KLHL1: variants seen among roughly 807,000 people sequenced by gnomAD.
KLHL1 encodes the protein kelch-like protein 1.
KLHL1 carries 47 observed loss-of-function variants against 77.7 expected under a neutral mutation model. The observed-to-expected ratio is 0.60, with a 90% CI of 0.48 to 0.77. The LOEUF (loss-of-function observed/expected upper bound fraction) is 0.77, where lower values mean the gene tolerates loss of function less well. KLHL1 is among the 30% of genes least tolerant of loss of function. KLHL1 has a pLI of 0.00. For synonymous variants in KLHL1, 360 were observed against 325.2 expected (o/e 1.11, Z -1.15); for missense variants, 925 against 910.8 (o/e 1.02, Z -0.20).
At chr13:69,720,220 G>A (rs1404593858) in intron 8 of KLHL1, among the ~76,000 whole-genome samples, 1 of 152,058 alleles carries the variant, frequency 6.6e-6, no homozygotes, top group Non-Finnish European at 1.5e-5. Context: ...TTTTATTAAT[G>A]AGAAGTATGA....
intron 8 of KLHL1, among the ~76,000 whole-genome samples, chr13:69,724,383 C>G (rs931421277): frequency 1.3e-5 from 2 of 152,024 alleles, no homozygotes; most frequent in South Asian, 4.1e-4. Context: ...TTGACTGACA[C>G]CTGTCTAAGA....
At chr13:70,044,334 CAGAT>C (rs1886446151) in intron 1 of KLHL1, among the ~76,000 whole-genome samples, 1 of 152,174 alleles carries the variant, frequency 6.6e-6, no homozygotes, top group Admixed American at 6.5e-5. Context: ...TGAAATCTCA[CAGAT>C]AGGTTTCTTA....
intron 1 of KLHL1, among the ~76,000 whole-genome samples, chr13:70,008,288 C>A (rs541558495): frequency 9.9e-5 from 15 of 152,126 alleles, no homozygotes; most frequent in African/African-American, 3.1e-4. Flanking sequence ...ACAGAGAATA[C>A]AACTTAGGAA....
intron 4 of KLHL1, among the ~76,000 whole-genome samples, chr13:69,930,387 C>T (rs533055695): frequency 6.6e-6 from 1 of 151,838 alleles, no homozygotes; most frequent in African/African-American, 2.4e-5. Flanking sequence ...TTACAAAGTA[C>T]CAAAAGCTTT....
At chr13:69,874,397 C>A (rs1051083254) in intron 5 of KLHL1, among the ~76,000 whole-genome samples, 2 of 152,108 alleles carry the variant, frequency 1.3e-5, no homozygotes, top group Admixed American at 1.3e-4. Context: ...GGCCATCCTT[C>A]TACAACTCCT....
chr13:69,793,187 T>C (rs1876945572), intron 7 of KLHL1, among the ~76,000 whole-genome samples: 1 of 152,098 alleles, frequency 6.6e-6, no homozygotes, highest in African/African-American at 2.4e-5. Flanking sequence ...AAATAGTGCA[T>C]TGTAGTAATG....
At chr13:69,870,453 C>T (rs1291708686) in intron 5 of KLHL1, among the ~76,000 whole-genome samples, 2 of 151,804 alleles carry the variant, frequency 1.3e-5, no homozygotes, top group South Asian at 2.1e-4. Flanking sequence ...TTTTGGGGGA[C>T]AAACATCCAA....
chr13:69,708,666 T>C (rs1487064896), intron 9 of KLHL1, among the ~76,000 whole-genome samples: 1 of 152,002 alleles, frequency 6.6e-6, no homozygotes, highest in Non-Finnish European at 1.5e-5. Context: ...TACATACAAA[T>C]ATTTTATATT....
Position 70,003,432 on chromosome 13 carries a change from A to G in KLHL1, c.498-27630T>C, listed in dbSNP as rs187609509. On this transcript the variant is annotated intron_variant, in intron 1 of 10. Coordinates refer to ENST00000377844, the MANE Select transcript of KLHL1 (RefSeq NM_020866.3). ...ATGACATGTTAAATACATTCAATTG[A>G]TATTTTAAGCTGAATCAAATGAGGT... is the stretch of plus-strand genomic sequence containing the variant. Among the ~76,000 whole-genome samples the G allele has an allele frequency of 5.9e-5, 9 of 151,900 alleles. No individual in the cohort carries two copies. In the East Asian group the frequency reaches 1.7e-3, roughly 29 times the overall value.
intron 8 of KLHL1, among the ~76,000 whole-genome samples, chr13:69,736,154 T>C (rs1048109583): frequency 2.0e-5 from 3 of 152,058 alleles, no homozygotes; most frequent in Admixed American, 6.6e-5. Flanking sequence ...AAATGACTAA[T>C]ATCCAGAATC....
At chr13:69,970,281 G>A (rs532376703) in intron 2 of KLHL1, among the ~76,000 whole-genome samples, 1 of 152,106 alleles carries the variant, frequency 6.6e-6, no homozygotes, top group Admixed American at 6.6e-5. Flanking sequence ...TAAACTCAAA[G>A]CTTTCCCACT....
intron 1 of KLHL1, among the ~76,000 whole-genome samples, chr13:70,068,438 C>T (rs922603193): frequency 2.0e-5 from 3 of 152,120 alleles, no homozygotes; most frequent in African/African-American, 7.2e-5. Flanking sequence ...TTTATTAGGA[C>T]CTGTATACAA....
intron 5 of KLHL1, among the ~76,000 whole-genome samples, chr13:69,865,983 A>G (rs1218784615): frequency 6.6e-6 from 1 of 152,158 alleles, no homozygotes; most frequent in Non-Finnish European, 1.5e-5. Context: ...GTGAAATCTA[A>G]TGGTCAGGAT....
At chr13:69,998,390 C>G (rs557308876) in intron 1 of KLHL1, among the ~76,000 whole-genome samples, 24 of 152,102 alleles carry the variant, frequency 1.6e-4, no homozygotes, top group African/African-American at 5.8e-4. Context: ...ACTTCAACTT[C>G]CAATAAACAT....
At position 69,906,575 on chromosome 13, in the gene KLHL1, T is replaced by C. The variant is rs952114795; in HGVS notation, c.1015-24080A>G. ...AATTTTATGGAATACTTATTAATTA[T>C]GAGAGCAAATACAATCTTAGAATTA... On this transcript the variant is annotated intron_variant, in intron 4 of 10. Coordinates refer to ENST00000377844, the MANE Select transcript of KLHL1 (RefSeq NM_020866.3). 4.4e-4 allele frequency among the ~76,000 whole-genome samples: 67 copies of C among 152,128 alleles called. 1 individual carries two copies. Among genetic ancestry groups the C allele is most frequent in the African/African-American group, 1.5e-3 (62 of 41,562 alleles).
At chr13:69,735,483 A>G (rs909582258) in intron 8 of KLHL1, among the ~76,000 whole-genome samples, 1 of 150,310 alleles carries the variant, frequency 6.7e-6, no homozygotes, top group Non-Finnish European at 1.5e-5. Flanking sequence ...TAGTAAATAT[A>G]ACATATGCAT....
intron 6 of KLHL1, among the ~76,000 whole-genome samples, chr13:69,836,059 A>G (rs1472285111): frequency 6.6e-6 from 1 of 152,088 alleles, no homozygotes; most frequent in Non-Finnish European, 1.5e-5. Context: ...TACAGCTAAC[A>G]CTTAAAAGCC....
intron 1 of KLHL1, among the ~76,000 whole-genome samples, chr13:70,058,487 A>T (rs1293535991): frequency 6.6e-6 from 1 of 152,216 alleles, no homozygotes; most frequent in Non-Finnish European, 1.5e-5. Flanking sequence ...AGTAGCCACA[A>T]ATAAAATACT....
At chr13:69,835,492 G>A (rs1196779102) in intron 6 of KLHL1, among the ~76,000 whole-genome samples, 6 of 152,070 alleles carry the variant, frequency 3.9e-5, no homozygotes, top group Admixed American at 3.9e-4. Context: ...CACAAGGCGG[G>A]AGAACAAGGA....
Sources: allele counts gnomAD v4.1 joint callset (sites outside exome capture counted in the v4.1 genomes callset), GRCh38; gene constraint gnomAD v4.1.1; transcripts MANE v1.5; gene names NCBI Gene and HGNC (gene_info 2026-07-23, HGNC 2026-07-21).